PRRT4: variants seen among roughly 807,000 people sequenced by gnomAD.
The protein encoded by PRRT4 is proline rich transmembrane protein 4, also known as proline-rich transmembrane protein 4.
A neutral mutation model predicts 55.6 loss-of-function variants in PRRT4; 59 were observed. That is an observed-to-expected ratio of 1.06 (90% CI 0.86 to 1.32). The LOEUF (loss-of-function observed/expected upper bound fraction) is 1.32. Ranked by LOEUF, PRRT4 falls within the 40% of genes most tolerant of loss-of-function variation. PRRT4 has a pLI of 0.00. For synonymous variants in PRRT4, 606 were observed against 601.8 expected (o/e 1.01, Z -0.10); for missense variants, 1,217 against 1,222.0 (o/e 1.00, Z 0.06).
chr7:128,357,236 A>G (rs865930977), intron 4 of PRRT4, among the ~76,000 whole-genome samples: 1 of 140,808 alleles, frequency 7.1e-6, no homozygotes, highest in Non-Finnish European at 1.5e-5. Flanking sequence ...ACACACACAC[A>G]CTCTCTCTCT....
intron 4 of PRRT4, among the ~76,000 whole-genome samples, chr7:128,356,416 G>A (rs1229430430): frequency 6.6e-6 from 1 of 152,214 alleles, no homozygotes; most frequent in Non-Finnish European, 1.5e-5. Flanking sequence ...GGTGTGAATG[G>A]GGACAGGTGG....
chr7:128,357,609 A>T (rs1797143709), intron 4 of PRRT4, among the ~76,000 whole-genome samples: 2 of 152,196 alleles, frequency 1.3e-5, no homozygotes, highest in South Asian at 4.1e-4. Flanking sequence ...AAGGGAGTGC[A>T]GTGACTGTGG....
chr7:128,353,904 A>T (rs1377306228), intron 4 of PRRT4, among the ~76,000 whole-genome samples: 2 of 152,162 alleles, frequency 1.3e-5, no homozygotes, highest in South Asian at 4.1e-4. Flanking sequence ...GAGGAGTAAG[A>T]TCCTTAATTC....
Position 128,352,293 on chromosome 7 carries a change from GGCGTCGTAGAAGA to G in PRRT4, c.1250_1262del (p.Leu417ProfsTer150). On this transcript the variant is annotated frameshift_variant, in exon 5 of 5. Transcript: ENST00000535159. LOFTEE classifies it high-confidence loss of function. ...CGGGCAGTCGATCCCTGTGCCCATA[GGCGTCGTAGAAGA>G]GCGGGAAGGCCCGCGTGGTCCCGGC... The G allele has an allele frequency of 6.5e-7, 1 of 1,543,646 alleles. No individual in the cohort carries two copies. Among genetic ancestry groups the G allele is most frequent in the South Asian group, 1.2e-5 (1 of 84,038 alleles).
exon 5 of PRRT4, chr7:128,351,200 G>A (rs1796954307): frequency 1.9e-6 from 3 of 1,541,456 alleles, no homozygotes; most frequent in South Asian, 1.2e-5. Context: ...AGCTCCGGGG[G>A]CGCAGCGGGG....
Position 128,358,550 on chromosome 7 carries a change from G to C in PRRT4, c.877+131C>G. The C allele has an allele frequency of 1.2e-6, 1 of 826,926 alleles. No homozygotes were observed. Among genetic ancestry groups the C allele is most frequent in the Non-Finnish European group, 1.9e-6 (1 of 519,658 alleles). 51.2% of individuals were successfully genotyped at this position (826,926 alleles called of 1,614,324 possible). On this transcript the variant is annotated intron_variant, in intron 4 of 4. Coordinates refer to ENST00000535159, the Ensembl canonical transcript of PRRT4. This position sits in a 1 kb window ranked among gnomAD's most constrained non-coding sequence, Gnocchi z 4.4. ...GACCATTCATATATATCTCCACGGT[G>C]ATGATGAAGAGAATGATGATTATGA...
At chr7:128,356,632 C>G (rs954715896) in intron 4 of PRRT4, among the ~76,000 whole-genome samples, 4 of 152,238 alleles carry the variant, frequency 2.6e-5, no homozygotes, top group Admixed American at 6.5e-5. Flanking sequence ...CCCTCTTGAC[C>G]TCAGTGGCCA....
rs1797199907 is a variant in PRRT4 at position 128,359,691 on chromosome 7, A to G, written c.301T>C (p.Leu101=). The G allele has an allele frequency of 1.9e-6, 3 of 1,551,352 alleles. No homozygotes were observed. In the South Asian group the frequency reaches 3.6e-5, roughly 18 times the overall value. The change falls in exon 2 of 5, where the codon TTG becomes CTG. Residue 101 remains leucine, a synonymous_variant. Transcript: ENST00000535159. The stretch of plus-strand genomic sequence containing the variant: ...GAGTTCCCTGAGGAGCCCACCAGCA[A>G]TTCCCAAAGGGGGTCAGTCCTCAGC...
exon 5 of PRRT4, chr7:128,352,019 G>A (rs1176016466): frequency 5.9e-5 from 78 of 1,312,176 alleles, no homozygotes; most frequent in Non-Finnish European, 7.4e-5. Context: ...AGCGCCAGCA[G>A]CAGCCCGGAA....
Position 128,359,148 on chromosome 7 carries a change from C to G in PRRT4, c.757+1G>C. 4.5e-6 allele frequency: 7 copies of G among 1,551,602 alleles called. No homozygotes were observed. The highest frequency in any genetic ancestry group is 6.1e-6 in the Non-Finnish European group (7 of 1,146,900). The stretch of plus-strand genomic sequence containing the variant: ...AGTTTATTGCAATGAAATAAACTCA[C>G]CCAGAGAACCCGAAACTCCAGAGGC... On this transcript the variant is annotated splice_donor_variant, in intron 3 of 4. Transcript: ENST00000535159. LOFTEE classifies it high-confidence loss of function.
chr7:128,356,091 C>G lies in PRRT4; in HGVS notation c.877+2590G>C, dbSNP rs929055860. 6.6e-5 allele frequency among the ~76,000 whole-genome samples: 10 copies of G among 151,968 alleles called. 1 individual carries two copies. Among genetic ancestry groups the G allele is most frequent in the African/African-American group, 2.4e-4 (10 of 41,444 alleles). On this transcript the variant is annotated intron_variant, in intron 4 of 4. Transcript: ENST00000535159. The stretch of plus-strand genomic sequence containing the variant: ...CTGGCCAACATGGTGAAACCCGACT[C>G]TTACTAAAAATACAAAAATTAGCTG...
chr7:128,361,669 G>C (rs886124650), exon 1 of PRRT4: 1 of 152,430 alleles, frequency 6.6e-6, no homozygotes, highest in African/African-American at 2.4e-5. Context: ...GCCCGCGCCG[G>C]GGCTCCGCGG....
Position 128,351,737 on chromosome 7 carries a change from C to A in PRRT4, c.1819G>T (p.Gly607Cys), listed in dbSNP as rs777370674. The change falls in exon 5 of 5, where the codon GGC (glycine) becomes TGC (cysteine). Residue 607 changes from glycine to cysteine, a missense_variant. Physicochemically the swap from Gly to Cys is radical, Grantham distance 159 (BLOSUM62 -3). Coordinates refer to ENST00000535159, the Ensembl canonical transcript of PRRT4. ...AACGGGAGCGCGACGCCCACCTCGC[C>A]CAGGCGCAGGCCTAGCTGGAAGGCC... 45 of 1,467,662 alleles carry A rather than the reference C, an allele frequency of 3.1e-5. No individual in the cohort carries two copies. The South Asian group carries it at 5.1e-4, about 17-fold the overall frequency. The allele number at this position is 1,467,662 out of a possible 1,614,324, so 90.9% of individuals were successfully genotyped here.
chr7:128,360,939 G>C (rs941162103), intron 1 of PRRT4, among the ~76,000 whole-genome samples: 2 of 151,610 alleles, frequency 1.3e-5, no homozygotes, highest in African/African-American at 4.9e-5. Flanking sequence ...TCTAGCGCCC[G>C]TGACACACTC....
intron 4 of PRRT4, among the ~76,000 whole-genome samples, chr7:128,355,263 T>TCTCAGCTCACTGAGATCACTGCAGCTCA (rs1797089541): frequency 6.6e-6 from 1 of 152,208 alleles, no homozygotes; most frequent in African/African-American, 2.4e-5. Flanking sequence ...AGTGGCATGA[T>TCTCAGCTCACTGAGATCACTGCAGCTCA]CTCAGCTCAC....
At chr7:128,352,743 A>C in intron 4 of PRRT4, 65 bp from the exon 6 acceptor site, 1 of 1,405,712 alleles carries the variant, frequency 7.1e-7, no homozygotes, top group South Asian at 1.4e-5. Flanking sequence ...CCCCACAAGC[A>C]GTAGCCTGAA....
At chr7:128,361,934 C>T (rs1797268218), upstream of PRRT4, among the ~76,000 whole-genome samples, 1 of 152,146 alleles carries the variant, frequency 6.6e-6, no homozygotes, top group Admixed American at 6.5e-5. Flanking sequence ...ATCACACACT[C>T]CCAGGGCGGC....
rs530559907 is a variant in PRRT4, at chr7:128,357,764, G to T, written c.877+917C>A. Among the ~76,000 whole-genome samples the T allele has an allele frequency of 4.1e-4, 62 of 152,298 alleles. No individual in the cohort carries two copies. The South Asian group carries it at 0.012, about 30-fold the overall frequency. ...TAAACCTTTTGCAGAGCAAAGCTGG[G>T]CCTGAAAGCCCCTCAGTCCCTCTCC... On this transcript the variant is annotated intron_variant, in intron 4 of 4. Coordinates refer to ENST00000535159, the Ensembl canonical transcript of PRRT4.
At chr7:128,360,583 C>CTGAG (rs1797225226) in intron 1 of PRRT4, among the ~76,000 whole-genome samples, 3 of 152,188 alleles carry the variant, frequency 2.0e-5, no homozygotes, top group African/African-American at 7.2e-5. Flanking sequence ...AAAGCCAGAG[C>CTGAG]TGAGTGATCT....
Sources: gnomAD v4.1 joint callset for allele counts (sites outside exome capture counted in the v4.1 genomes callset) on GRCh38, gnomAD v4.1.1 for gene constraint, Gnocchi (gnomAD v3.1) non-coding constraint, MANE v1.5 for transcripts, NCBI Gene and HGNC (gene_info 2026-07-23, HGNC 2026-07-21) for gene names.